The following KLHL14 variants were observed in gnomAD, a reference collection of about 807,000 sequenced individuals.
KLHL14 encodes kelch like family member 14, also known as kelch-like protein 14.
KLHL14 carries 22 observed loss-of-function variants against 64.3 expected under a neutral mutation model. The ratio of observed to expected loss-of-function variants is 0.34; its 90% CI spans 0.24 to 0.49. The LOEUF (loss-of-function observed/expected upper bound fraction) is 0.49, where lower values mean the gene tolerates loss of function less well. Ranked by LOEUF, KLHL14 falls within the 20% of genes least tolerant of loss-of-function variation. The probability of loss-of-function intolerance (pLI) is 0.99; values close to 1 mark genes in which losing one functional copy is unlikely to be tolerated. For missense variants in KLHL14, 661 were observed against 789.0 expected (o/e 0.84, Z 1.94); for synonymous variants, 322 against 333.4 (o/e 0.97, Z 0.37).
At chr18:32,698,742 C>T (rs2049948471) in intron 3 of KLHL14, among the ~76,000 whole-genome samples, 1 of 152,038 alleles carries the variant, frequency 6.6e-6, no homozygotes, top group Admixed American at 6.6e-5. Context: ...AAAGAAAAAG[C>T]CAGAAAATTG....
chr18:32,709,302 A>C (rs2050006607), intron 3 of KLHL14, among the ~76,000 whole-genome samples: 2 of 152,206 alleles, frequency 1.3e-5, no homozygotes, highest in Admixed American at 6.5e-5. Flanking sequence ...TTTCCTTTGA[A>C]TATTCTCATG....
chr18:32,769,430 C>G (rs1383288488), intron 2 of KLHL14, among the ~76,000 whole-genome samples: 2 of 152,182 alleles, frequency 1.3e-5, no homozygotes, highest in Admixed American at 1.3e-4. Flanking sequence ...CTTTGGAGCG[C>G]TCAGGGATGC....
intron 3 of KLHL14, among the ~76,000 whole-genome samples, chr18:32,729,199 G>A (rs563296368): frequency 5.3e-5 from 8 of 152,274 alleles, no homozygotes; most frequent in Admixed American, 2.0e-4. Context: ...TTTCGTGGGG[G>A]TCACCTATTT....
chr18:32,763,809 AACGAACTC>A (rs2050326820), intron 2 of KLHL14, among the ~76,000 whole-genome samples: 1 of 152,224 alleles, frequency 6.6e-6, no homozygotes, highest in South Asian at 2.1e-4. Context: ...AGCAATTTAC[AACGAACTC>A]ACATTTTTGG....
chr18:32,720,214 T>G (rs1377155199), intron 3 of KLHL14, among the ~76,000 whole-genome samples: 1 of 152,178 alleles, frequency 6.6e-6, no homozygotes, highest in African/African-American at 2.4e-5. Flanking sequence ...TTAGGAGCCC[T>G]GCTAAAGAGT....
rs1182832866 is a variant in KLHL14, at chr18:32,765,490, G to A, written c.947+4155C>T. Reference sequence around the variant, plus strand: ...ATGTAATTTTGTAATCAATGGTCCTGTTTCAGATAATAAACAAATTGTATT... The same window carrying A: ...ATGTAATTTTGTAATCAATGGTCCTATTTCAGATAATAAACAAATTGTATT... On this transcript the variant is annotated intron_variant, in intron 2 of 8. Coordinates refer to ENST00000359358, the MANE Select transcript of KLHL14 (RefSeq NM_020805.3). Among the ~76,000 whole-genome samples the A allele has an allele frequency of 3.3e-5, 5 of 152,212 alleles. No homozygotes were observed. In the East Asian group the frequency reaches 9.7e-4, roughly 29 times the overall value.
chr18:32,756,688 G>C (rs1008707595), intron 2 of KLHL14, among the ~76,000 whole-genome samples: 1 of 152,098 alleles, frequency 6.6e-6, no homozygotes, highest in African/African-American at 2.4e-5. Flanking sequence ...AGTGCCTTAA[G>C]GGTGGTGTTT....
At chr18:32,677,383 A>G in intron 7 of KLHL14, 53 bp from the exon 8 acceptor site, 5 of 1,511,078 alleles carry the variant, frequency 3.3e-6, no homozygotes, top group Non-Finnish European at 4.5e-6. Flanking sequence ...CAGGGTCCCA[A>G]TTTAAGGCTA....
At chr18:32,675,648 A>C (rs1158831855) in intron 8 of KLHL14, among the ~76,000 whole-genome samples, 1 of 152,162 alleles carries the variant, frequency 6.6e-6, no homozygotes, top group African/African-American at 2.4e-5. Context: ...TTTCTTTGTC[A>C]ACTTTAGAGG....
At chr18:32,739,393 A>C (rs2050183458) in intron 3 of KLHL14, among the ~76,000 whole-genome samples, 1 of 152,090 alleles carries the variant, frequency 6.6e-6, no homozygotes, top group South Asian at 2.1e-4. Context: ...ATCTTAACAA[A>C]AAAAAAAAAC....
chr18:32,737,008 T>A (rs1025994250), intron 3 of KLHL14, among the ~76,000 whole-genome samples: 2 of 151,940 alleles, frequency 1.3e-5, no homozygotes, highest in African/African-American at 4.8e-5. Flanking sequence ...CAACACAGAG[T>A]GGGTATTCAA....
intron 2 of KLHL14, among the ~76,000 whole-genome samples, chr18:32,748,181 C>T (rs1325553081): frequency 5.9e-5 from 9 of 152,052 alleles, no homozygotes; most frequent in African/African-American, 4.8e-5. Flanking sequence ...TCTAAGTGAA[C>T]GTAGGCTGGC....
intron 3 of KLHL14, among the ~76,000 whole-genome samples, chr18:32,730,609 T>C (rs1284985543): frequency 6.6e-6 from 1 of 152,220 alleles, no homozygotes; most frequent in Non-Finnish European, 1.5e-5. Flanking sequence ...TGTCAAAAGA[T>C]TTTAGCAAAA....
intron 1 of KLHL14, among the ~76,000 whole-genome samples, chr18:32,771,674 C>CG (rs2050386364): frequency 6.6e-6 from 1 of 151,896 alleles, no homozygotes; most frequent in Non-Finnish European, 1.5e-5. Flanking sequence ...GCCTGGAGGC[C>CG]GGGAGGGATT....
rs2049796839 is a variant in KLHL14 at position 32,673,670 on chromosome 18, T to A, written c.*987A>T. ...TGGCTCCTGTGGCTCTTGTAAGTTC[T>A]GTGTTTTAGAAACAGAAAGACAACT... On this transcript the variant is annotated 3_prime_UTR_variant, in exon 9 of 9. Coordinates refer to ENST00000359358, the MANE Select transcript of KLHL14 (RefSeq NM_020805.3). 1 of 152,218 alleles carries A rather than the reference T, an allele frequency of 6.6e-6. No individual in the cohort carries two copies. Among genetic ancestry groups the A allele is most frequent in the Admixed American group, 6.6e-5 (1 of 15,264 alleles). 9.4% of individuals were successfully genotyped at this position (152,218 alleles called of 1,614,324 possible).
chr18:32,758,721 A>G (rs1322126917), intron 2 of KLHL14, among the ~76,000 whole-genome samples: 5 of 152,228 alleles, frequency 3.3e-5, no homozygotes, highest in African/African-American at 9.6e-5. Flanking sequence ...AACAAAATGT[A>G]GTTTATCTGT....
At chr18:32,689,368 AG>A (rs1176841541) in intron 4 of KLHL14, among the ~76,000 whole-genome samples, 1 of 152,150 alleles carries the variant, frequency 6.6e-6, no homozygotes, top group Non-Finnish European at 1.5e-5. Flanking sequence ...GCTCAGAGAT[AG>A]GGGGGAAAGG....
chr18:32,739,059 T>C (rs2144527598), intron 3 of KLHL14, among the ~76,000 whole-genome samples: 1 of 152,272 alleles, frequency 6.6e-6, no homozygotes, highest in African/African-American at 2.4e-5. Flanking sequence ...GGGCAAAGTA[T>C]GCTGAGATTC....
At chr18:32,706,525 T>G (rs4105194) in intron 3 of KLHL14, among the ~76,000 whole-genome samples, 17,552 of 152,208 alleles carry the variant, frequency 0.12, 2,949 homozygotes, top group African/African-American at 0.37. Context: ...ATGAATGATA[T>G]GAATATTTGC....
Sources: allele counts gnomAD v4.1 joint callset (sites outside exome capture counted in the v4.1 genomes callset), GRCh38; gene constraint gnomAD v4.1.1; transcripts MANE v1.5; gene names NCBI Gene and HGNC (gene_info 2026-07-23, HGNC 2026-07-21).